OSBPL3: variants seen among roughly 807,000 people sequenced by gnomAD.
The protein encoded by OSBPL3 is oxysterol binding protein like 3.
A neutral mutation model predicts 120.1 loss-of-function variants in OSBPL3; 65 were observed. The ratio of observed to expected loss-of-function variants is 0.54; its 90% confidence interval spans 0.44 to 0.67. The LOEUF is 0.67. Ranked by LOEUF, OSBPL3 falls within the 30% of genes least tolerant of loss-of-function variation. The pLI is 0.00. For synonymous variants in OSBPL3, 416 were observed against 402.6 expected, an observed-to-expected ratio of 1.03 and a Z score of -0.40; for missense variants, 1,004 against 1,082.1, an observed-to-expected ratio of 0.93 and a Z score of 1.01.
chr7:24,842,528 T>C, intron 12 of OSBPL3, 115 bp from the exon 13 acceptor site: 1 of 798,972 alleles, frequency 1.3e-6, no homozygotes, highest in Admixed American at 2.6e-5. Context: ...AATAAGCAAC[T>C]CAAAGCAGAA....
chr7:24,832,772 A>G (rs1451900255), intron 15 of OSBPL3, among the ~76,000 whole-genome samples: 1 of 152,174 alleles, frequency 6.6e-6, no homozygotes, highest in Non-Finnish European at 1.5e-5. Flanking sequence ...AGCGAAGGGG[A>G]GGCAGAAGGA....
chr7:24,878,474 C>T (rs1224542425), intron 2 of OSBPL3, among the ~76,000 whole-genome samples: 1 of 152,090 alleles, frequency 6.6e-6, no homozygotes, highest in Non-Finnish European at 1.5e-5. Context: ...CAAGATCTTC[C>T]ACGGCCTATT....
chr7:24,812,304 C>CAAAAAAAAA (rs57963279), intron 19 of OSBPL3, among the ~76,000 whole-genome samples: 1 of 97,048 alleles, frequency 1.0e-5, no homozygotes, highest in African/African-American at 4.1e-5. Flanking sequence ...GACTCCATCT[C>CAAAAAAAAA]AAAAAAAAAA....
chr7:24,850,819 G>A (rs17150301), intron 11 of OSBPL3, among the ~76,000 whole-genome samples: 1 of 152,134 alleles, frequency 6.6e-6, no homozygotes, highest in Non-Finnish European at 1.5e-5. Context: ...ATACAGCACC[G>A]ACATACCCAT....
In OSBPL3 at chr7:24,883,638, T is replaced by C. The variant is rs193237572; in HGVS notation, c.96+8739A>G. ...ATTTCTAAATCTCACCCAAATATAT[T>C]TGCTGTGATTATTATTCCAGGATTG... On this transcript the variant is annotated intron_variant, in intron 2 of 22. Coordinates refer to ENST00000313367, the MANE Select transcript of OSBPL3 (RefSeq NM_015550.4). This position sits in a 1 kb window ranked among gnomAD's most constrained non-coding sequence, Gnocchi z 5.4. 2.1e-3 allele frequency among the ~76,000 whole-genome samples: 327 copies of C among 152,318 alleles called. No homozygotes were observed. Among genetic ancestry groups the C allele is most frequent in the African/African-American group, 7.6e-3 (315 of 41,580 alleles).
Position 24,830,958 on chromosome 7 carries a change from T to G in OSBPL3, c.1747-53A>C. The G allele has an allele frequency of 6.6e-7, 1 of 1,513,128 alleles. No homozygotes were observed. The highest frequency in any genetic ancestry group is 1.3e-5 in the South Asian group (1 of 76,754). 93.7% of individuals were successfully genotyped at this position (1,513,128 alleles called of 1,614,324 possible). ...ATTTCCGTGTCACCAAGAGCTTTAT[T>G]GTTCACAAAGAACTAAACAAAATAA... On this transcript the variant is annotated intron_variant, in intron 15 of 22. Transcript: ENST00000313367. The surrounding 1 kb of genome is among the most constrained non-coding windows in gnomAD (Gnocchi z 4.4).
At chr7:24,860,764 C>T (rs1415102078) in intron 10 of OSBPL3, among the ~76,000 whole-genome samples, 4 of 152,166 alleles carry the variant, frequency 2.6e-5, no homozygotes, top group Admixed American at 6.5e-5. Flanking sequence ...TAGTTTGTTC[C>T]TTGGTATTGC....
Position 24,854,773 on chromosome 7 carries a change from T to C in OSBPL3, c.1028-2139A>G, listed in dbSNP as rs1041089429. Among the ~76,000 whole-genome samples, 5 of 152,240 alleles carry C rather than the reference T, an allele frequency of 3.3e-5. No homozygotes were observed. The highest frequency in any genetic ancestry group is 7.3e-5 in the Non-Finnish European group (5 of 68,040). On this transcript the variant is annotated intron_variant, in intron 10 of 22. Transcript: ENST00000313367. This position sits in a 1 kb window ranked among gnomAD's most constrained non-coding sequence, Gnocchi z 4.1. ...ACCTTGGATGAGTAAATGATGTGCC[T>C]GAACCCTGGTTTCCACATTTGTAAA... is the stretch of plus-strand genomic sequence containing the variant.
At chr7:24,908,068 T>G (rs933351504) in intron 1 of OSBPL3, among the ~76,000 whole-genome samples, 8 of 152,218 alleles carry the variant, frequency 5.3e-5, no homozygotes, top group African/African-American at 1.9e-4. Context: ...CTTGCCATTT[T>G]AAGTCTTTGG....
rs1056506078 is a variant in OSBPL3 at position 24,916,873 on chromosome 7, C to T, written c.-149-24252G>A. ...CACAATGGTGACATATACCAACACACACAAACCAGGTTTACTGGCAGCCAC... is the reference window on the plus strand; with the variant it reads ...CACAATGGTGACATATACCAACACATACAAACCAGGTTTACTGGCAGCCAC... On this transcript the variant is annotated intron_variant, in intron 1 of 22. Transcript: ENST00000313367. This position sits in a 1 kb window ranked among gnomAD's most constrained non-coding sequence, Gnocchi z 4.9. Among the ~76,000 whole-genome samples the T allele has an allele frequency of 6.6e-6, 1 of 151,714 alleles. No individual in the cohort carries two copies. The highest frequency in any genetic ancestry group is 2.4e-5 in the African/African-American group (1 of 41,278).
In OSBPL3 at chr7:24,833,605, G is replaced by A. The variant is rs1338056691; in HGVS notation, c.1746+881C>T. Among the ~76,000 whole-genome samples, 6 of 152,350 alleles carry A rather than the reference G, an allele frequency of 3.9e-5. No individual in the cohort carries two copies. In the South Asian group the frequency reaches 6.2e-4, roughly 16 times the overall value. On this transcript the variant is annotated intron_variant, in intron 15 of 22. Coordinates refer to ENST00000313367, the MANE Select transcript of OSBPL3 (RefSeq NM_015550.4). The surrounding 1 kb of genome is among the most constrained non-coding windows in gnomAD (Gnocchi z 4.4). Reference sequence around the variant, plus strand: ...GCCGAGGGGGCACTCCAATTCCAATGTAGCCAATTGGCAAATGCCCAGGAG... The same window carrying A: ...GCCGAGGGGGCACTCCAATTCCAATATAGCCAATTGGCAAATGCCCAGGAG...
rs557594861 is a variant in OSBPL3, at chr7:24,819,121, C to T, written c.1948+1054G>A. 1.2e-4 allele frequency among the ~76,000 whole-genome samples: 18 copies of T among 151,986 alleles called. No individual in the cohort carries two copies. Among genetic ancestry groups the T allele is most frequent in the Middle Eastern group, 3.4e-3 (1 of 294 alleles). Reference sequence around the variant, plus strand: ...TACAAAAATTAGCTGGGCATAGTGGCGCATGCCTGTAGTCCCAGCTACTCG... The same window carrying T: ...TACAAAAATTAGCTGGGCATAGTGGTGCATGCCTGTAGTCCCAGCTACTCG... On this transcript the variant is annotated intron_variant, in intron 17 of 22. Coordinates refer to ENST00000313367, the MANE Select transcript of OSBPL3 (RefSeq NM_015550.4). This position sits in a 1 kb window ranked among gnomAD's most constrained non-coding sequence, Gnocchi z 4.1.
intron 1 of OSBPL3, among the ~76,000 whole-genome samples, chr7:24,979,532 C>G (rs1817974804): frequency 6.6e-6 from 1 of 152,190 alleles, no homozygotes; most frequent in Non-Finnish European, 1.5e-5. Flanking sequence ...GCCTCTAGCC[C>G]CGGCGTAGCG....
At chr7:24,945,825 T>C (rs1813661893) in intron 1 of OSBPL3, among the ~76,000 whole-genome samples, 1 of 152,370 alleles carries the variant, frequency 6.6e-6, no homozygotes, top group Non-Finnish European at 1.5e-5. Context: ...CAGTGGAGAA[T>C]ACATTTTAGA....
chr7:24,865,240 G>T, intron 7 of OSBPL3, 102 bp downstream of exon 7: 1 of 1,231,236 alleles, frequency 8.1e-7, no homozygotes, highest in Non-Finnish European at 1.1e-6. Flanking sequence ...AAGGGAATGT[G>T]GACAAGCATA....
At chr7:24,906,983 C>A (rs944523961) in intron 1 of OSBPL3, among the ~76,000 whole-genome samples, 2 of 152,122 alleles carry the variant, frequency 1.3e-5, no homozygotes, top group Non-Finnish European at 2.9e-5. Context: ...GATATTAATA[C>A]CTGCCACTGG....
intron 1 of OSBPL3, among the ~76,000 whole-genome samples, chr7:24,897,470 C>A (rs1359938044): frequency 6.6e-6 from 1 of 151,410 alleles, no homozygotes; most frequent in Non-Finnish European, 1.5e-5. Context: ...GGACTACAGG[C>A]GCCCGCTACC....
intron 1 of OSBPL3, among the ~76,000 whole-genome samples, chr7:24,948,313 T>TA (rs1813982899): frequency 6.6e-6 from 1 of 152,232 alleles, no homozygotes; most frequent in African/African-American, 2.4e-5. Context: ...ACAAAAGAAT[T>TA]AAACTTTTCT....
In OSBPL3 at chr7:24,816,597, A is replaced by T; in HGVS notation, c.2027+13T>A. 1.3e-6 allele frequency: 2 copies of T among 1,590,468 alleles called. No homozygotes were observed. The highest frequency in any genetic ancestry group is 1.7e-6 in the Non-Finnish European group (2 of 1,159,728). ...ATTCCATAAAGCTCCTTAACCACAG[A>T]AGAAGAACTTACACTGGCAGAGTCA... On this transcript the variant is annotated intron_variant, in intron 18 of 22. Transcript: ENST00000313367.
Sources: gnomAD v4.1 joint callset for allele counts (sites outside exome capture counted in the v4.1 genomes callset) on GRCh38, gnomAD v4.1.1 for gene constraint, Gnocchi (gnomAD v3.1) non-coding constraint, MANE v1.5 for transcripts, NCBI Gene and HGNC (gene_info 2026-07-23, HGNC 2026-07-21) for gene names.